HCFC2: variants seen among roughly 807,000 people sequenced by gnomAD.
HCFC2 encodes the protein host cell factor 2.
In HCFC2, 18 loss-of-function variants were observed where a neutral mutation model predicts 89.2. The observed-to-expected ratio is 0.20, with a 90% CI of 0.14 to 0.30. The LOEUF (loss-of-function observed/expected upper bound fraction) is 0.30, where lower values mean the gene tolerates loss of function less well. Ranked by LOEUF, HCFC2 falls within the 10% of genes least tolerant of loss-of-function variation. The pLI is 1.00. For synonymous variants in HCFC2, 308 were observed against 335.7 expected (o/e 0.92, Z 0.90); for missense variants, 578 against 956.1 (o/e 0.60, Z 5.21).
chr12:104,084,973 A>G (rs1883791749), intron 7 of HCFC2, among the ~76,000 whole-genome samples: 1 of 152,178 alleles, frequency 6.6e-6, no homozygotes, highest in Non-Finnish European at 1.5e-5. Context: ...AGACCATGCT[A>G]AGTTTGAAAT....
In HCFC2 at chr12:104,102,102, A is replaced by T. The variant is rs375199545; in HGVS notation, c.2013A>T (p.Lys671Asn). 1 of 1,613,946 alleles carries T rather than the reference A, an allele frequency of 6.2e-7. No individual in the cohort carries two copies. Among genetic ancestry groups the T allele is most frequent in the South Asian group, 1.1e-5 (1 of 91,058 alleles). ...IGPFSKISEF[K>N]TCIPGFPGAP... ...CTTTCAGCAAAATCAGTGAATTTAAAACTTGTATTCCTGGTTTTCCTGGAG... is the reference window on the plus strand; with the variant it reads ...CTTTCAGCAAAATCAGTGAATTTAATACTTGTATTCCTGGTTTTCCTGGAG... Residue 671 changes from lysine (K) to asparagine (N), a missense_variant, in exon 14 of 15, where the codon AAA (lysine) becomes AAT (asparagine). This residue lies in a region of HCFC2 where 140 missense variants were observed against 266.4 expected (regional missense o/e 0.53). Coordinates refer to ENST00000229330, the MANE Select transcript of HCFC2 (RefSeq NM_013320.3).
At chr12:104,065,667 A>G (rs59644448) in intron 1 of HCFC2, among the ~76,000 whole-genome samples, 13,485 of 152,156 alleles carry the variant, frequency 0.089, 874 homozygotes, top group Admixed American at 0.17. Context: ...AGTTACTGAC[A>G]CTTTGGTCTT....
At chr12:104,096,317 A>G in intron 11 of HCFC2, 43 bp from the exon 12 acceptor site, 2 of 1,334,666 alleles carry the variant, frequency 1.5e-6, no homozygotes, top group South Asian at 2.8e-5. Flanking sequence ...AATGTATCTG[A>G]TAAGTTATGT....
intron 3 of HCFC2, among the ~76,000 whole-genome samples, chr12:104,078,318 G>T (rs545909682): frequency 2.7e-4 from 41 of 152,080 alleles, no homozygotes; most frequent in Non-Finnish European, 5.0e-4. Context: ...AGTATTCTTA[G>T]ATTTATTTTT....
rs568596801 is a variant in HCFC2, at chr12:104,080,971, T to C, written c.767+141T>C. On this transcript the variant is annotated intron_variant, in intron 5 of 14. Coordinates refer to ENST00000229330, the MANE Select transcript of HCFC2 (RefSeq NM_013320.3). Reference sequence around the variant, plus strand: ...TTGATTGTGCTGACTGAAGCTAAAATAATTTGTCTGTAGAAGTTAAAATAC... The same window carrying C: ...TTGATTGTGCTGACTGAAGCTAAAACAATTTGTCTGTAGAAGTTAAAATAC... The C allele has an allele frequency of 2.2e-5, 12 of 552,176 alleles. No homozygotes were observed. In the South Asian group the frequency reaches 2.6e-4, roughly 12 times the overall value. 34.2% of individuals were successfully genotyped at this position (552,176 alleles called of 1,614,324 possible).
At position 104,106,275 on chromosome 12, in the gene HCFC2, T is replaced by C. The variant is rs1022139605; in HGVS notation, c.*3002T>C. 3 of 152,170 alleles carry C rather than the reference T, an allele frequency of 2.0e-5. No homozygotes were observed. The highest frequency in any genetic ancestry group is 1.3e-4 in the Admixed American group (2 of 15,270). 9.4% of individuals were successfully genotyped at this position (152,170 alleles called of 1,614,324 possible). A position where few individuals can be genotyped will look rare whatever the true frequency, so the allele number is the denominator to read the frequency against. On this transcript the variant is annotated 3_prime_UTR_variant, in exon 15 of 15. Transcript: ENST00000229330. The stretch of plus-strand genomic sequence containing the variant: ...GAAATAAGGTCTATAGCTAAAGATA[T>C]TTTTATTTTAAAAAATTACAGCCCT...
In HCFC2 at chr12:104,067,933, C is replaced by CTTT; in HGVS notation, c.313-5_313-3dup. ...GATTTTGTCTGACTGTATTTGTGCC[C>CTTT]TTTTTTTTTTTAGGCAAGTCGTTGG... On this transcript the variant is annotated splice_polypyrimidine_tract_variant and intron_variant, in intron 2 of 14. Transcript: ENST00000229330. The CTTT allele has an allele frequency of 5.1e-6, 6 of 1,184,578 alleles. No homozygotes were observed. The Admixed American group carries it at 7.3e-5, about 14-fold the overall frequency. The allele number at this position is 1,184,578 out of a possible 1,614,324, so 73.4% of individuals were successfully genotyped here. A position where few individuals can be genotyped will look rare whatever the true frequency, so the allele number is the denominator to read the frequency against.
rs1016651847 is a variant in HCFC2 at position 104,103,552 on chromosome 12, C to T, written c.*279C>T. ...AGATAAAAGCTAGAAAGCTTTATTA[C>T]CCCAATATCTTTTATAAGGGCTGTG... On this transcript the variant is annotated 3_prime_UTR_variant, in exon 15 of 15. Transcript: ENST00000229330. 2.8e-6 allele frequency: 1 copy of T among 358,026 alleles called. No homozygotes were observed. Among genetic ancestry groups the T allele is most frequent in the Non-Finnish European group, 5.1e-6 (1 of 196,444 alleles). The allele number at this position is 358,026 out of a possible 1,614,324, so 22.2% of individuals were successfully genotyped here.
In HCFC2 at chr12:104,086,910, A is replaced by G; in HGVS notation, c.1127A>G (p.Lys376Arg). The change falls in exon 8 of 15, where the codon AAG (lysine) becomes AGG (arginine). Residue 376 changes from lysine to arginine, a missense_variant. Physicochemically the swap from Lys to Arg is conservative, Grantham distance 26 (BLOSUM62 2). Around this residue, in one of 4 missense-constraint regions of HCFC2, gnomAD observed 210 missense variants for 251.7 expected, o/e 0.83. Coordinates refer to ENST00000229330, the MANE Select transcript of HCFC2 (RefSeq NM_013320.3). ...GCCACTACCAACTCCTTTCATGTCA[A>G]GTGGGATGAAGTGTCTACAGTTGAG... is the stretch of plus-strand genomic sequence containing the variant. ...IKATTNSFHVKWDEVSTVEGY... is the reference protein window; with the variant it reads ...IKATTNSFHVRWDEVSTVEGY... 1 of 1,613,988 alleles carries G rather than the reference A, an allele frequency of 6.2e-7. No homozygotes were observed. Among genetic ancestry groups the G allele is most frequent in the East Asian group, 2.2e-5 (1 of 44,876 alleles).
In HCFC2 at chr12:104,082,414, T is replaced by G. The variant is rs531457819; in HGVS notation, c.768-86T>G. 1,049 of 804,034 alleles carry G rather than the reference T, an allele frequency of 1.3e-3. 2 individuals are homozygous for G. Among genetic ancestry groups the G allele is most frequent in the Non-Finnish European group, 2.0e-3 (920 of 469,576 alleles). 49.8% of individuals were successfully genotyped at this position (804,034 alleles called of 1,614,324 possible). A position where few individuals can be genotyped will look rare whatever the true frequency, so the allele number is the denominator to read the frequency against. Reference sequence around the variant, plus strand: ...AGTTCTGAAGCTCTGAGTCAACTGATAGGAAATTTTTCTATTCTTAGCACT... The same window carrying G: ...AGTTCTGAAGCTCTGAGTCAACTGAGAGGAAATTTTTCTATTCTTAGCACT... On this transcript the variant is annotated intron_variant, in intron 5 of 14. Transcript: ENST00000229330.
intron 3 of HCFC2, among the ~76,000 whole-genome samples, chr12:104,076,855 T>C (rs1481791234): frequency 6.6e-6 from 1 of 152,240 alleles, no homozygotes; most frequent in Non-Finnish European, 1.5e-5. Context: ...TATTCTGCCC[T>C]TGTATTTTGT....
At position 104,101,855 on chromosome 12, in the gene HCFC2, A is replaced by G. The variant is rs2136631129; in HGVS notation, c.1879-113A>G. ...GAGATAAATGTGAACCAGAACCTTA[A>G]AACATAATTTATTCTTTAAAAGTTT... On this transcript the variant is annotated intron_variant, in intron 13 of 14. Transcript: ENST00000229330. The G allele has an allele frequency of 1.1e-5, 7 of 633,604 alleles. No individual in the cohort carries two copies. In the South Asian group the frequency reaches 3.0e-4, roughly 27 times the overall value. 39.2% of individuals were successfully genotyped at this position (633,604 alleles called of 1,614,324 possible).
At chr12:104,066,450 C>G (rs11111885) in intron 2 of HCFC2, 135 bp downstream of exon 2, 97,238 of 531,842 alleles carry the variant, frequency 0.18, 8,374 homozygotes, top group Admixed American at 0.26. Context: ...TTCAAGTAAA[C>G]TATTATTCAA....
intron 7 of HCFC2, among the ~76,000 whole-genome samples, chr12:104,085,396 T>C (rs991307435): frequency 2.6e-5 from 4 of 152,190 alleles, no homozygotes; most frequent in Admixed American, 6.5e-5. Context: ...TTGGAAATTA[T>C]TAACTAAAGT....
Position 104,080,796 on chromosome 12 carries a change from C to T in HCFC2, c.733C>T (p.Arg245Ter). ...AACTAAAGGGACAGTGCCACTTCCA[C>T]GAAGCCTTCATACAGCCAGTGTTAT... ...PETKGTVPLP[R>*]SLHTASVIGN... Residue 245 changes from arginine to a stop codon, truncating the protein, a stop_gained, in exon 5 of 15, where the codon CGA becomes TGA. Coordinates refer to ENST00000229330, the MANE Select transcript of HCFC2 (RefSeq NM_013320.3). LOFTEE classifies it high-confidence loss of function. 2 of 1,609,848 alleles carry T rather than the reference C, an allele frequency of 1.2e-6. No homozygotes were observed. Among genetic ancestry groups the T allele is most frequent in the Non-Finnish European group, 1.7e-6 (2 of 1,178,254 alleles).
intron 7 of HCFC2, among the ~76,000 whole-genome samples, chr12:104,085,995 ATTT>A (rs774649121): frequency 1.6e-4 from 18 of 109,338 alleles, no homozygotes; most frequent in African/African-American, 4.9e-4. Flanking sequence ...TCCTCCCACC[ATTT>A]TTTTTTTTTT....
intron 12 of HCFC2, among the ~76,000 whole-genome samples, chr12:104,097,281 T>C (rs1884204966): frequency 6.6e-6 from 1 of 152,140 alleles, no homozygotes; most frequent in Non-Finnish European, 1.5e-5. Flanking sequence ...TATTTACCTT[T>C]ATCAGCTTTC....
intron 14 of HCFC2, among the ~76,000 whole-genome samples, chr12:104,102,434 C>T (rs911081627): frequency 2.6e-5 from 4 of 152,040 alleles, no homozygotes; most frequent in Admixed American, 1.3e-4. Context: ...AAGCCTAGTA[C>T]CCATTAGTTA....
At chr12:104,098,088 C>T in intron 12 of HCFC2, 1 of 336,050 alleles carries the variant, frequency 3.0e-6, no homozygotes, top group Non-Finnish European at 5.3e-6. Context: ...GATTGGAAAG[C>T]ATGCTAACTC....
Sources: allele counts gnomAD v4.1 joint callset (sites outside exome capture counted in the v4.1 genomes callset), GRCh38; gene constraint gnomAD v4.1.1; regional missense constraint gnomAD v4.1.1; transcripts MANE v1.5; gene names NCBI Gene and HGNC (gene_info 2026-07-23, HGNC 2026-07-21).